Variants in ZBTB7C observed in about 807,000 individuals in gnomAD.
ZBTB7C encodes zinc finger and BTB domain containing 7C.
A neutral mutation model predicts 25.7 loss-of-function variants in ZBTB7C; 8 were observed. The ratio of observed to expected loss-of-function variants is 0.31; its 90% CI spans 0.18 to 0.56. ZBTB7C has a LOEUF of 0.56. Ranked by LOEUF, ZBTB7C falls within the 20% of genes least tolerant of loss-of-function variation. The pLI is 0.91. For synonymous variants in ZBTB7C, 394 were observed against 369.0 expected, an observed-to-expected ratio of 1.07 and a Z score of -0.78; for missense variants, 824 against 855.2, an observed-to-expected ratio of 0.96 and a Z score of 0.46.
chr18:48,346,335 TTTC>T (rs1475504555), intron 1 of ZBTB7C, among the ~76,000 whole-genome samples: 3 of 152,216 alleles, frequency 2.0e-5, no homozygotes, highest in Non-Finnish European at 2.9e-5. Context: ...TCTCTCTGCT[TTTC>T]TTCTTCTATC....
chr18:48,263,165 C>T (rs1455380981), intron 2 of ZBTB7C, among the ~76,000 whole-genome samples: 1 of 152,228 alleles, frequency 6.6e-6, no homozygotes, highest in African/African-American at 2.4e-5. Flanking sequence ...GACACTTTCC[C>T]CCACCTAGCA....
At chr18:48,356,004 T>C (rs559159159) in intron 1 of ZBTB7C, among the ~76,000 whole-genome samples, 22 of 152,256 alleles carry the variant, frequency 1.4e-4, no homozygotes, top group African/African-American at 4.8e-4. Context: ...TTGCTAGAAA[T>C]GCACATTCTG....
chr18:48,349,132 A>G (rs533033087), intron 1 of ZBTB7C, among the ~76,000 whole-genome samples: 13 of 152,280 alleles, frequency 8.5e-5, no homozygotes, highest in African/African-American at 3.1e-4. Flanking sequence ...GGCTGGCAGG[A>G]CCTATTAGCA....
chr18:48,323,732 G>A, intron 2 of ZBTB7C, among the ~76,000 whole-genome samples: 1 of 152,144 alleles, frequency 6.6e-6, no homozygotes, highest in Non-Finnish European at 1.5e-5. Context: ...GCTGTGCAGT[G>A]AGTAAGGATC....
chr18:48,142,062 C>G (rs1482550233), intron 3 of ZBTB7C, among the ~76,000 whole-genome samples: 3 of 152,240 alleles, frequency 2.0e-5, no homozygotes, highest in African/African-American at 7.2e-5. Context: ...ATATGGTCAC[C>G]GAGTTTACCC....
At chr18:48,126,588 C>T (rs1440778153) in intron 3 of ZBTB7C, among the ~76,000 whole-genome samples, 1 of 152,214 alleles carries the variant, frequency 6.6e-6, no homozygotes, top group Non-Finnish European at 1.5e-5. Context: ...ATGGGGACAC[C>T]TGCTTGCAGT....
At chr18:48,391,541 G>T (rs77257496) in intron 1 of ZBTB7C, among the ~76,000 whole-genome samples, 1 of 152,102 alleles carries the variant, frequency 6.6e-6, no homozygotes, top group Non-Finnish European at 1.5e-5. Context: ...AAATTAACCA[G>T]ACATGACTTA....
At chr18:48,327,502 G>A (rs2046247088) in intron 2 of ZBTB7C, among the ~76,000 whole-genome samples, 1 of 152,170 alleles carries the variant, frequency 6.6e-6, no homozygotes, top group Non-Finnish European at 1.5e-5. Flanking sequence ...TCACAGCCAT[G>A]AGCACACTTG....
chr18:48,028,088 G>C lies in ZBTB7C; in HGVS notation c.*1172C>G, dbSNP rs2035583447. 1 of 152,224 alleles carries C rather than the reference G, an allele frequency of 6.6e-6. No individual in the cohort carries two copies. The highest frequency in any genetic ancestry group is 2.4e-5 in the African/African-American group (1 of 41,430). 9.4% of individuals were successfully genotyped at this position (152,224 alleles called of 1,614,324 possible). On this transcript the variant is annotated 3_prime_UTR_variant, in exon 5 of 5. Transcript: ENST00000590800. ...AGGGGACCATCACTAGCAATGCCAA[G>C]GCCCTGAGGAACCCTCAACTCAAAA...
At position 48,028,218 on chromosome 18, in the gene ZBTB7C, G is replaced by T. The variant is rs1196542435; in HGVS notation, c.*1042C>A. On this transcript the variant is annotated 3_prime_UTR_variant, in exon 5 of 5. Transcript: ENST00000590800. Reference sequence around the variant, plus strand: ...AAGAGGTGGCCCCCATCTCTTCGATGTTGGCCCTGAGAGCCCCAAGACACT... The same window carrying T: ...AAGAGGTGGCCCCCATCTCTTCGATTTTGGCCCTGAGAGCCCCAAGACACT... The T allele has an allele frequency of 6.6e-6, 1 of 152,254 alleles. No homozygotes were observed. Among genetic ancestry groups the T allele is most frequent in the Admixed American group, 6.5e-5 (1 of 15,288 alleles). 9.4% of individuals were successfully genotyped at this position (152,254 alleles called of 1,614,324 possible). A position where few individuals can be genotyped will look rare whatever the true frequency, so the allele number is the denominator to read the frequency against.
chr18:48,247,097 C>A (rs965305934), intron 2 of ZBTB7C, among the ~76,000 whole-genome samples: 5 of 152,154 alleles, frequency 3.3e-5, no homozygotes, highest in Admixed American at 6.5e-5. Flanking sequence ...AATTTTAGTG[C>A]ATACTTGACA....
intron 2 of ZBTB7C, chr18:48,252,461 C>T (rs904449631): frequency 2.0e-5 from 3 of 152,274 alleles, no homozygotes; most frequent in Non-Finnish European, 4.4e-5. Context: ...TCTCTCTGGG[C>T]CTCAGTTTCC....
intron 1 of ZBTB7C, among the ~76,000 whole-genome samples, chr18:48,377,387 A>G (rs1490853052): frequency 6.6e-6 from 1 of 152,188 alleles, no homozygotes; most frequent in Non-Finnish European, 1.5e-5. Context: ...CTCAGGAGAG[A>G]GTTAACTCTG....
chr18:48,387,929 C>T (rs1490213070), intron 1 of ZBTB7C, among the ~76,000 whole-genome samples: 3 of 152,218 alleles, frequency 2.0e-5, no homozygotes, highest in Non-Finnish European at 2.9e-5. Context: ...TGGGTTCAAG[C>T]GATTCTCCTG....
chr18:48,224,714 TTCCCAATTCCATGAA>T (rs1292284220), intron 2 of ZBTB7C, among the ~76,000 whole-genome samples: 1 of 152,214 alleles, frequency 6.6e-6, no homozygotes, highest in African/African-American at 2.4e-5. Context: ...TAAGGCCTTT[TTCCCAATTCCATGAA>T]TTGGGAAGAA....
chr18:48,081,682 C>A (rs1043295918), intron 3 of ZBTB7C, among the ~76,000 whole-genome samples: 4 of 152,040 alleles, frequency 2.6e-5, no homozygotes, highest in African/African-American at 9.7e-5. Flanking sequence ...TGAGGTTCAA[C>A]AGGGGTCCAG....
intron 3 of ZBTB7C, among the ~76,000 whole-genome samples, chr18:48,042,018 G>A (rs1424966900): frequency 6.6e-6 from 1 of 152,186 alleles, no homozygotes; most frequent in Non-Finnish European, 1.5e-5. Flanking sequence ...CCAGAAGAAA[G>A]CAGGGCACGA....
intron 1 of ZBTB7C, among the ~76,000 whole-genome samples, chr18:48,383,701 GA>G (rs2047683090): frequency 6.6e-6 from 1 of 152,208 alleles, no homozygotes; most frequent in Admixed American, 6.5e-5. Flanking sequence ...GGGGTGGGGA[GA>G]AAGGCACCTG....
intron 3 of ZBTB7C, among the ~76,000 whole-genome samples, chr18:48,105,533 C>T (rs1344014460): frequency 6.6e-6 from 1 of 152,132 alleles, no homozygotes; most frequent in African/African-American, 2.4e-5. Flanking sequence ...TCCAAACATG[C>T]CCCCTATTCA....
Sources: allele counts gnomAD v4.1 joint callset (sites outside exome capture counted in the v4.1 genomes callset), GRCh38; gene constraint gnomAD v4.1.1; transcripts MANE v1.5; gene names NCBI Gene and HGNC (gene_info 2026-07-23, HGNC 2026-07-21).